Variants in ACTN1 observed in about 807,000 individuals in gnomAD.
The protein encoded by ACTN1 is alpha-actinin-1.
Under a neutral mutation model 119.6 loss-of-function variants are expected in ACTN1, and 30 were observed. That is an observed-to-expected ratio of 0.25 (90% CI 0.19 to 0.34). The LOEUF (loss-of-function observed/expected upper bound fraction) is 0.34, where lower values mean the gene tolerates loss of function less well. Among genes scored for constraint, ACTN1 ranks in the 10% least tolerant of loss-of-function variants. ACTN1 has a pLI of 1.00. For missense variants in ACTN1, 764 were observed against 1,223.4 expected, an observed-to-expected ratio of 0.62 and a Z score of 5.60; for synonymous variants, 429 against 472.6, an observed-to-expected ratio of 0.91 and a Z score of 1.20.
intron 7 of ACTN1, among the ~76,000 whole-genome samples, chr14:68,903,414 GT>G (rs2033465412): frequency 6.6e-6 from 1 of 152,018 alleles, no homozygotes; most frequent in Non-Finnish European, 1.5e-5. Flanking sequence ...GTGGGTGCCT[GT>G]AATCCCAGCT....
intron 1 of ACTN1, among the ~76,000 whole-genome samples, chr14:68,966,038 C>T (rs927089964): frequency 6.6e-6 from 1 of 152,010 alleles, no homozygotes; most frequent in Non-Finnish European, 1.5e-5. Context: ...GGTAACACAG[C>T]AAGACCCTGT....
At chr14:68,929,676 C>G (rs951426591) in intron 1 of ACTN1, among the ~76,000 whole-genome samples, 8 of 152,154 alleles carry the variant, frequency 5.3e-5, no homozygotes, top group African/African-American at 1.9e-4. Context: ...CTGGGATGTT[C>G]CCGCAGAGCA....
chr14:68,905,152 G>C (rs1008711111), intron 6 of ACTN1, among the ~76,000 whole-genome samples: 2 of 152,178 alleles, frequency 1.3e-5, no homozygotes, highest in African/African-American at 4.8e-5. Flanking sequence ...CTCAAGAGTT[G>C]GGGTAGGGAG....
intron 1 of ACTN1, among the ~76,000 whole-genome samples, chr14:68,944,667 G>A (rs1341303071): frequency 1.3e-5 from 2 of 152,164 alleles, no homozygotes; most frequent in East Asian, 1.9e-4. Context: ...CTGGGGGGCT[G>A]TAGGGGGGCA....
At chr14:68,977,120 C>T (rs770335765) in intron 1 of ACTN1, among the ~76,000 whole-genome samples, 3 of 152,204 alleles carry the variant, frequency 2.0e-5, no homozygotes, top group African/African-American at 7.2e-5. Context: ...AAAGCAGGTG[C>T]TCCCTAAGCA....
intron 3 of ACTN1, among the ~76,000 whole-genome samples, chr14:68,919,495 T>C (rs2034523789): frequency 6.6e-6 from 1 of 152,260 alleles, no homozygotes; most frequent in Admixed American, 6.5e-5. Context: ...GCAGAGAACA[T>C]CTTCCTCATC....
chr14:68,914,749 C>G (rs552909381), intron 3 of ACTN1, among the ~76,000 whole-genome samples: 2 of 152,144 alleles, frequency 1.3e-5, no homozygotes, highest in South Asian at 4.1e-4. Flanking sequence ...CCAACCTAAG[C>G]GACAAGTTGA....
chr14:68,899,394 CCT>C (rs1277415378), intron 8 of ACTN1, among the ~76,000 whole-genome samples: 2 of 150,888 alleles, frequency 1.3e-5, no homozygotes, highest in Non-Finnish European at 3.0e-5. Context: ...CATACACACA[CCT>C]CACACACTAC....
chr14:68,924,653 C>T (rs1264435402), intron 2 of ACTN1, among the ~76,000 whole-genome samples: 8 of 152,202 alleles, frequency 5.3e-5, no homozygotes, highest in Non-Finnish European at 1.5e-5. Flanking sequence ...CAGGGGTGGA[C>T]TGCCAGGAAG....
rs2033973270 is a variant in ACTN1 at position 68,910,965 on chromosome 14, T to TA, written c.428-924_428-923insT. 2.0e-5 allele frequency among the ~76,000 whole-genome samples: 3 copies of TA among 152,280 alleles called. No homozygotes were observed. The South Asian group carries it at 6.2e-4, about 32-fold the overall frequency. ...GGAACTGTGAGTCCATTAAACCTCTTTTTATTTATAAATTACCCAGTCTCG... is the reference window on the plus strand; with the variant it reads ...GGAACTGTGAGTCCATTAAACCTCTTATTTATTTATAAATTACCCAGTCTCG... On this transcript the variant is annotated intron_variant, in intron 4 of 21. Coordinates refer to ENST00000394419, the MANE Select transcript of ACTN1 (RefSeq NM_001130004.2).
chr14:68,920,605 G>C (rs1264538159), intron 3 of ACTN1, among the ~76,000 whole-genome samples: 1 of 152,154 alleles, frequency 6.6e-6, no homozygotes, highest in Admixed American at 6.5e-5. Flanking sequence ...CAGGGCCCCG[G>C]GGAGTCTCGG....
chr14:68,898,654 C>T (rs1292988445), intron 8 of ACTN1, among the ~76,000 whole-genome samples: 2 of 152,090 alleles, frequency 1.3e-5, no homozygotes, highest in Non-Finnish European at 2.9e-5. Flanking sequence ...CCTCCCCTGC[C>T]TGCTCAGCTC....
intron 1 of ACTN1, among the ~76,000 whole-genome samples, chr14:68,971,453 G>A (rs2036881642): frequency 6.6e-6 from 1 of 152,206 alleles, no homozygotes; most frequent in Non-Finnish European, 1.5e-5. Flanking sequence ...TTACCTCCGA[G>A]TACCTTGGGC....
intron 3 of ACTN1, among the ~76,000 whole-genome samples, chr14:68,918,165 T>C (rs902973885): frequency 6.6e-6 from 1 of 152,078 alleles, no homozygotes; most frequent in Non-Finnish European, 1.5e-5. Flanking sequence ...GTGAATGACC[T>C]TCCCAGCACA....
chr14:68,875,245 T>G (rs1305325341), intron 21 of ACTN1: 1 of 1,212,692 alleles, frequency 8.2e-7, no homozygotes, highest in African/African-American at 1.5e-5. Flanking sequence ...AGTACCTACT[T>G]TGTAAGCCAC....
intron 1 of ACTN1, among the ~76,000 whole-genome samples, chr14:68,930,957 C>T (rs910360981): frequency 6.6e-6 from 1 of 152,180 alleles, no homozygotes; most frequent in Admixed American, 6.5e-5. Context: ...CTTGACTTTA[C>T]GACTAAGGAC....
At position 68,972,770 on chromosome 14, in the gene ACTN1, G is replaced by A. The variant is rs546821956; in HGVS notation, c.105+6182C>T. Among the ~76,000 whole-genome samples, 68 of 152,346 alleles carry A rather than the reference G, an allele frequency of 4.5e-4. 1 individual carries two copies. In the South Asian group the frequency reaches 0.014, roughly 31 times the overall value. On this transcript the variant is annotated intron_variant, in intron 1 of 21. Coordinates refer to ENST00000394419, the MANE Select transcript of ACTN1 (RefSeq NM_001130004.2). Reference sequence around the variant, plus strand: ...CCCAGCTCCACCATTTGCTGGCTGCGTGGGCCTGGAGGAGTTCCGCAGCTG... The same window carrying A: ...CCCAGCTCCACCATTTGCTGGCTGCATGGGCCTGGAGGAGTTCCGCAGCTG...
At chr14:68,978,750 G>A (rs2037159013) in intron 1 of ACTN1, 1 of 381,552 alleles carries the variant, frequency 2.6e-6, no homozygotes, top group East Asian at 4.4e-5. Flanking sequence ...CGGCGTTCCC[G>A]GGCTCCGGGG....
intron 1 of ACTN1, among the ~76,000 whole-genome samples, chr14:68,965,468 T>C (rs1363470622): frequency 6.6e-6 from 1 of 152,170 alleles, no homozygotes. Context: ...ACACCAGGCC[T>C]GTGGGTCAGC....
Sources: gnomAD v4.1 joint callset for allele counts (sites outside exome capture counted in the v4.1 genomes callset) on GRCh38, gnomAD v4.1.1 for gene constraint, MANE v1.5 for transcripts, NCBI Gene and HGNC (gene_info 2026-07-23, HGNC 2026-07-21) for gene names.